The following PAQR5 variants were observed in gnomAD, a reference collection of about 807,000 sequenced individuals.
PAQR5 encodes the protein progestin and adipoQ receptor family member 5.
A neutral mutation model predicts 34.5 loss-of-function variants in PAQR5; 20 were observed. The observed-to-expected ratio is 0.58, with a 90% CI of 0.41 to 0.84. PAQR5 has a LOEUF of 0.84. PAQR5 is among the 40% of genes least tolerant of loss of function. The pLI is 0.00. For missense variants in PAQR5, 378 were observed against 412.7 expected (o/e 0.92, Z 0.73); for synonymous variants, 131 against 155.6 (o/e 0.84, Z 1.18).
intron 1 of PAQR5, among the ~76,000 whole-genome samples, chr15:69,319,944 G>A (rs974563136): frequency 4.6e-5 from 7 of 152,176 alleles, no homozygotes; most frequent in East Asian, 1.9e-4. Flanking sequence ...CTTCCTCTGC[G>A]GTCTGGTCTG....
At chr15:69,351,841 G>A (rs1168735504) in intron 2 of PAQR5, among the ~76,000 whole-genome samples, 1 of 152,300 alleles carries the variant, frequency 6.6e-6, no homozygotes, top group East Asian at 1.9e-4. Flanking sequence ...CCTTCTATAA[G>A]ATGAGGGATA....
At chr15:69,401,881 T>G (rs2056639128) in intron 8 of PAQR5, among the ~76,000 whole-genome samples, 2 of 152,106 alleles carry the variant, frequency 1.3e-5, no homozygotes, top group Admixed American at 1.3e-4. Flanking sequence ...CTGAGATAGG[T>G]CCTGGGGGTG....
intron 2 of PAQR5, among the ~76,000 whole-genome samples, chr15:69,356,708 G>A (rs1342112806): frequency 1.3e-5 from 2 of 152,080 alleles, no homozygotes; most frequent in Non-Finnish European, 2.9e-5. Context: ...GACTACTCCA[G>A]GTGCCTTGTA....
chr15:69,338,547 C>T (rs901517274), intron 2 of PAQR5, among the ~76,000 whole-genome samples: 2 of 152,196 alleles, frequency 1.3e-5, no homozygotes, highest in African/African-American at 4.8e-5. Flanking sequence ...AAAGCGGTTC[C>T]ACTCTTCTCA....
intron 3 of PAQR5, among the ~76,000 whole-genome samples, chr15:69,377,970 A>G (rs1471263304): frequency 1.3e-5 from 2 of 152,118 alleles, no homozygotes; most frequent in African/African-American, 4.8e-5. Flanking sequence ...TCTGCAAAAA[A>G]TAAAAAATTA....
At chr15:69,344,020 G>A (rs1196300309) in intron 2 of PAQR5, among the ~76,000 whole-genome samples, 1 of 152,066 alleles carries the variant, frequency 6.6e-6, no homozygotes, top group African/African-American at 2.4e-5. Flanking sequence ...TTTTGGTAGA[G>A]ATGGGGTTTC....
rs1425346338 is a variant in PAQR5, at chr15:69,300,943, CTTT to C, written c.-277+1888_-277+1890del. Among the ~76,000 whole-genome samples the C allele has an allele frequency of 4.6e-3, 205 of 44,600 alleles. 37 individuals are homozygous for C. Among genetic ancestry groups the C allele is most frequent in the Non-Finnish European group, 6.3e-3 (130 of 20,702 alleles). The allele number at this position is 44,600 out of a possible 152,430, so 29.3% of individuals were successfully genotyped here. ...TCTCTCTCTCTCTCTCTCTCTCTTT[CTTT>C]CCTTCTTTCTTTCTTTCTTTCTTTC... On this transcript the variant is annotated intron_variant, in intron 1 of 8. Transcript: ENST00000395407.
chr15:69,322,734 GA>G (rs2054133655), intron 1 of PAQR5, among the ~76,000 whole-genome samples: 5 of 32,438 alleles, frequency 1.5e-4, no homozygotes, highest in Admixed American at 4.1e-4. Flanking sequence ...AGAAGAAGAA[GA>G]AGAAGAAGAA....
intron 4 of PAQR5, 43 bp downstream of exon 4, chr15:69,380,053 C>A: frequency 6.2e-7 from 1 of 1,606,496 alleles, no homozygotes; most frequent in Non-Finnish European, 8.5e-7. Flanking sequence ...CTTCAGGAGC[C>A]CTGGAGACCA....
intron 4 of PAQR5, among the ~76,000 whole-genome samples, chr15:69,382,070 G>C (rs985872904): frequency 1.3e-5 from 2 of 152,206 alleles, no homozygotes; most frequent in Non-Finnish European, 2.9e-5. Context: ...TGTGGGACTA[G>C]CTATTCCGAA....
At chr15:69,392,189 G>C (rs954596270) in intron 6 of PAQR5, 1 of 162,904 alleles carries the variant, frequency 6.1e-6, no homozygotes, top group Non-Finnish European at 1.4e-5. Context: ...TGTTGGCCAG[G>C]CTGGTCTCGA....
At chr15:69,328,730 G>A (rs541108008) in intron 1 of PAQR5, among the ~76,000 whole-genome samples, 7 of 152,304 alleles carry the variant, frequency 4.6e-5, no homozygotes, top group East Asian at 1.9e-4. Context: ...CCAGGTTCCC[G>A]TTGCCTTTCC....
intron 8 of PAQR5, among the ~76,000 whole-genome samples, chr15:69,402,130 G>A (rs972787594): frequency 2.2e-4 from 34 of 152,300 alleles, no homozygotes; most frequent in African/African-American, 8.2e-4. Context: ...ATCACAGACT[G>A]TTGTGGCCTA....
At position 69,322,790 on chromosome 15, in the gene PAQR5, GGAAGAA is replaced by G. The variant is rs1368686628; in HGVS notation, c.-276-14542_-276-14537del. Among the ~76,000 whole-genome samples, 2 of 13,136 alleles carry G rather than the reference GGAAGAA, an allele frequency of 1.5e-4. 1 individual carries two copies. The highest frequency in any genetic ancestry group is 3.5e-4 in the African/African-American group (2 of 5,728). 8.6% of individuals were successfully genotyped at this position (13,136 alleles called of 152,430 possible). ...AAGAAGAGGGAGAAGAAGAAGACGA[GGAAGAA>G]GAAGAAGAGGAAGAGGAAGAAGAAG... On this transcript the variant is annotated intron_variant, in intron 1 of 8. Transcript: ENST00000395407.
At chr15:69,374,746 C>T (rs1219116563) in intron 3 of PAQR5, among the ~76,000 whole-genome samples, 2 of 152,188 alleles carry the variant, frequency 1.3e-5, no homozygotes, top group African/African-American at 4.8e-5. Flanking sequence ...TTCCCCTGCC[C>T]TCTGCCAGCA....
chr15:69,360,524 A>G (rs2055204730), intron 3 of PAQR5, among the ~76,000 whole-genome samples: 1 of 152,188 alleles, frequency 6.6e-6, no homozygotes, highest in Admixed American at 6.5e-5. Context: ...GCTCATCCCC[A>G]TTACTTGCAG....
At chr15:69,330,167 A>G (rs2054347233) in intron 1 of PAQR5, among the ~76,000 whole-genome samples, 1 of 152,160 alleles carries the variant, frequency 6.6e-6, no homozygotes, top group South Asian at 2.1e-4. Flanking sequence ...AGTCCAGGGT[A>G]CTTGTTACAA....
chr15:69,398,511 T>C (rs751661677), intron 7 of PAQR5, among the ~76,000 whole-genome samples: 10 of 152,006 alleles, frequency 6.6e-5, no homozygotes, highest in Non-Finnish European at 1.3e-4. Flanking sequence ...ACCCGGTGAG[T>C]GAAGCTCCCT....
chr15:69,335,139 G>A (rs1039810668), intron 1 of PAQR5, among the ~76,000 whole-genome samples: 12 of 150,956 alleles, frequency 7.9e-5, no homozygotes, highest in Non-Finnish European at 1.5e-4. Flanking sequence ...CAGGAGAATC[G>A]TTTGAACCCA....
Sources: gnomAD v4.1 joint callset for allele counts (sites outside exome capture counted in the v4.1 genomes callset) on GRCh38, gnomAD v4.1.1 for gene constraint, MANE v1.5 for transcripts, NCBI Gene and HGNC (gene_info 2026-07-23, HGNC 2026-07-21) for gene names.